MATR3: variants seen among roughly 807,000 people sequenced by gnomAD.
The protein encoded by MATR3 is matrin 3, also known as matrin-3.
A neutral mutation model predicts 85.5 loss-of-function variants in MATR3; 4 were observed. The observed-to-expected ratio is 0.05, with a 90% confidence interval of 0.02 to 0.11. The LOEUF is 0.11. Ranked by LOEUF, MATR3 falls within the 10% of genes least tolerant of loss-of-function variation. MATR3 has a pLI of 1.00. For missense variants in MATR3, 685 were observed against 1,016.1 expected (o/e 0.67, Z 4.43); for synonymous variants, 336 against 343.1 (o/e 0.98, Z 0.23).
exon 1 of MATR3, chr5:139,274,132 T>G (rs548752356): frequency 2.7e-5 from 12 of 444,624 alleles, no homozygotes; most frequent in Non-Finnish European, 5.4e-5. Context: ...CCGGTGCTGC[T>G]GCGCCCTGCG....
intron 10 of MATR3, 121 bp from the exon 11 acceptor site, chr5:139,322,340 CAA>C: frequency 1.1e-6 from 1 of 950,254 alleles, no homozygotes; most frequent in South Asian, 1.4e-5. Context: ...CTTAGGTTCT[CAA>C]ATAAGGTTAC....
In MATR3 at chr5:139,327,297, C is replaced by A. The variant is rs1287762360; in HGVS notation, c.2493+1013C>A. Among the ~76,000 whole-genome samples the A allele has an allele frequency of 2.7e-5, 4 of 147,602 alleles. No individual in the cohort carries two copies. In the East Asian group the frequency reaches 7.8e-4, roughly 29 times the overall value. On this transcript the variant is annotated intron_variant, in intron 14 of 14. Coordinates refer to ENST00000394805, the MANE Select transcript of MATR3 (RefSeq NM_018834.6). ...ATAATTCAAGTTCTTGGCTGTGTGT[C>A]ACTTCTGTTTTTTTTTTTTTTTTTA...
intron 2 of MATR3, chr5:139,311,692 C>G (rs1312456286): frequency 1.5e-5 from 2 of 137,716 alleles, no homozygotes; most frequent in East Asian, 4.5e-4. Flanking sequence ...TAAGTAAAAT[C>G]TGAATATTTT....
intron 3 of MATR3, among the ~76,000 whole-genome samples, chr5:139,287,599 A>C (rs1388946085): frequency 6.6e-6 from 1 of 152,094 alleles, no homozygotes; most frequent in African/African-American, 2.4e-5. Flanking sequence ...AGCCTGGGCA[A>C]CGAGCAAAAC....
intron 9 of MATR3, among the ~76,000 whole-genome samples, chr5:139,319,902 A>G (rs1267262121): frequency 4.1e-5 from 2 of 48,510 alleles, no homozygotes; most frequent in South Asian, 6.2e-4. Context: ...GTATATCCCT[A>G]TTTTTAGTGA....
intron 1 of MATR3, chr5:139,294,995 T>C (rs1473987945): frequency 6.6e-6 from 1 of 152,206 alleles, no homozygotes; most frequent in African/African-American, 2.4e-5. Flanking sequence ...GTTGATTTCG[T>C]AGGTAGGGGT....
At position 139,317,532 on chromosome 5, in the gene MATR3, C is replaced by T. The variant is rs144040779; in HGVS notation, c.1183-64C>T. 38 of 1,491,138 alleles carry T rather than the reference C, an allele frequency of 2.5e-5. No homozygotes were observed. In the East Asian group the frequency reaches 2.9e-4, roughly 12 times the overall value. The allele number at this position is 1,491,138 out of a possible 1,614,324, so 92.4% of individuals were successfully genotyped here. A position where few individuals can be genotyped will look rare whatever the true frequency, so the allele number is the denominator to read the frequency against. On this transcript the variant is annotated intron_variant, in intron 6 of 14. Coordinates refer to ENST00000394805, the MANE Select transcript of MATR3 (RefSeq NM_018834.6). ...TTATAGATTATAAAAAGTCCTAATG[C>T]GTAATTGGTTTCATATTGCTTTAAA...
chr5:139,278,698 C>A, intron 2 of MATR3: 2 of 447,824 alleles, frequency 4.5e-6, no homozygotes, highest in South Asian at 1.6e-5. Flanking sequence ...GCCTGTTTTG[C>A]AGTCAATATT....
intron 3 of MATR3, among the ~76,000 whole-genome samples, chr5:139,287,488 G>A (rs1026849906): frequency 6.6e-5 from 10 of 152,172 alleles, no homozygotes; most frequent in South Asian, 2.1e-4. Context: ...ACATGTTGGC[G>A]CGCACCTGTA....
chr5:139,303,621 C>G (rs1393178144), intron 1 of MATR3, among the ~76,000 whole-genome samples: 2 of 152,068 alleles, frequency 1.3e-5, no homozygotes, highest in Non-Finnish European at 2.9e-5. Flanking sequence ...GTAGTCCCGG[C>G]TACTTGGGCT....
In MATR3 at chr5:139,331,208, C is replaced by A. The variant is rs1192779778; in HGVS notation, c.*1813C>A. On this transcript the variant is annotated 3_prime_UTR_variant, in exon 15 of 15. Coordinates refer to ENST00000394805, the MANE Select transcript of MATR3 (RefSeq NM_018834.6). ...CAAATAGTTGGCTAAATTTTATGAT[C>A]TCTCCCGTTGAAAAGTAGGTGATGA... 2.2e-6 allele frequency: 1 copy of A among 454,006 alleles called. No individual in the cohort carries two copies. The highest frequency in any genetic ancestry group is 2.0e-5 in the African/African-American group (1 of 50,006). The allele number at this position is 454,006 out of a possible 1,614,324, so 28.1% of individuals were successfully genotyped here. A position where few individuals can be genotyped will look rare whatever the true frequency, so the allele number is the denominator to read the frequency against.
rs887746443 is a variant in MATR3 at position 139,330,497 on chromosome 5, ATT to A, written c.*1104_*1105del. The A allele has an allele frequency of 1.1e-5, 5 of 454,076 alleles. No individual in the cohort carries two copies. Among genetic ancestry groups the A allele is most frequent in the African/African-American group, 1.0e-4 (5 of 50,012 alleles). 28.1% of individuals were successfully genotyped at this position (454,076 alleles called of 1,614,324 possible). A position where few individuals can be genotyped will look rare whatever the true frequency, so the allele number is the denominator to read the frequency against. ...CTTAAACTTTGTGCATGCTTTAACA[ATT>A]TATTACTTTTAAATCTAGAGTGAAT... is the stretch of plus-strand genomic sequence containing the variant. On this transcript the variant is annotated 3_prime_UTR_variant, in exon 15 of 15. Coordinates refer to ENST00000394805, the MANE Select transcript of MATR3 (RefSeq NM_018834.6).
chr5:139,288,782 A>T (rs1043268277), upstream of MATR3, among the ~76,000 whole-genome samples: 3 of 152,160 alleles, frequency 2.0e-5, no homozygotes, highest in African/African-American at 7.2e-5. Flanking sequence ...CTGGGACTAC[A>T]GGTGCCTGCC....
chr5:139,277,543 A>G (rs941746932), intron 2 of MATR3, among the ~76,000 whole-genome samples: 1 of 152,158 alleles, frequency 6.6e-6, no homozygotes, highest in Non-Finnish European at 1.5e-5. Flanking sequence ...AAGGCTAGTG[A>G]TATCTGTAGG....
rs1428198148 is a variant in MATR3, at chr5:139,331,494, T to C, written c.*2099T>C. ...GAGAGCATTTAGAAATCAGAAATTA[T>C]AATAAGCTGTTAGTGATAAATCTGT... On this transcript the variant is annotated 3_prime_UTR_variant, in exon 15 of 15. Coordinates refer to ENST00000394805, the MANE Select transcript of MATR3 (RefSeq NM_018834.6). 1 of 454,118 alleles carries C rather than the reference T, an allele frequency of 2.2e-6. No individual in the cohort carries two copies. The highest frequency in any genetic ancestry group is 4.4e-6 in the Non-Finnish European group (1 of 226,780). 28.1% of individuals were successfully genotyped at this position (454,118 alleles called of 1,614,324 possible).
chr5:139,322,397 AT>A, intron 10 of MATR3, 65 bp from the exon 11 acceptor site: 1 of 1,402,414 alleles, frequency 7.1e-7, no homozygotes, highest in Non-Finnish European at 1.0e-6. Flanking sequence ...GTCTCCAATT[AT>A]TAATTCACTG....
intron 4 of MATR3, 148 bp from the exon 5 acceptor site, chr5:139,315,928 A>T: frequency 1.3e-6 from 1 of 769,706 alleles, no homozygotes; most frequent in Non-Finnish European, 2.2e-6. Context: ...TTTTATTGTT[A>T]ATGTAGACTT....
chr5:139,311,843 C>G (rs1404180048), intron 2 of MATR3: 1 of 137,748 alleles, frequency 7.3e-6, no homozygotes, highest in African/African-American at 2.7e-5. Context: ...TCTTGGCTCA[C>G]TGCATCCTCT....
chr5:139,304,464 C>T (rs1022790747), intron 1 of MATR3, among the ~76,000 whole-genome samples: 1 of 148,002 alleles, frequency 6.8e-6, no homozygotes, highest in African/African-American at 2.5e-5. Flanking sequence ...CGTGCCATTG[C>T]ATTCCAGCCT....
Sources: gnomAD v4.1 joint callset for allele counts (sites outside exome capture counted in the v4.1 genomes callset) on GRCh38, gnomAD v4.1.1 for gene constraint, MANE v1.5 for transcripts, NCBI Gene and HGNC (gene_info 2026-07-23, HGNC 2026-07-21) for gene names.